The following CDH23 variants were observed in gnomAD, a reference collection of about 807,000 sequenced individuals.
CDH23 encodes cadherin related 23.
In CDH23, 189 loss-of-function variants were observed where a neutral mutation model predicts 317.1. The ratio of observed to expected loss-of-function variants is 0.60; its 90% confidence interval spans 0.53 to 0.67. CDH23 has a LOEUF of 0.67. Among genes scored for constraint, CDH23 ranks in the 30% least tolerant of loss-of-function variants. The pLI is 0.00. For synonymous variants in CDH23, 1,839 were observed against 1,876.8 expected (o/e 0.98, Z 0.52); for missense variants, 4,401 against 4,592.4 (o/e 0.96, Z 1.20).
intron 1 of CDH23, among the ~76,000 whole-genome samples, chr10:71,423,822 C>T (rs369558577): frequency 8.5e-5 from 13 of 152,308 alleles, no homozygotes; most frequent in Admixed American, 4.6e-4. Flanking sequence ...TGGTGGTGCT[C>T]GCTGGGCAGG....
chr10:71,529,300 C>T (rs1393619096), intron 6 of CDH23, among the ~76,000 whole-genome samples: 1 of 152,186 alleles, frequency 6.6e-6, no homozygotes. Flanking sequence ...CAACACAGGA[C>T]TCAGCTGGGA....
chr10:71,493,734 C>T (rs1194689922), intron 3 of CDH23, among the ~76,000 whole-genome samples: 1 of 152,136 alleles, frequency 6.6e-6, no homozygotes, highest in African/African-American at 2.4e-5. Context: ...TGCAATGTTC[C>T]CTAGATCTTT....
chr10:71,782,566 A>G (rs1840985365), intron 41 of CDH23, among the ~76,000 whole-genome samples: 1 of 152,252 alleles, frequency 6.6e-6, no homozygotes, highest in Admixed American at 6.5e-5. Flanking sequence ...GTCTGGCCCC[A>G]GAGCAAGCTG....
intron 8 of CDH23, among the ~76,000 whole-genome samples, chr10:71,573,103 T>A (rs533595212): frequency 6.6e-6 from 1 of 152,352 alleles, no homozygotes; most frequent in African/African-American, 2.4e-5. Flanking sequence ...CTTAGGGTTT[T>A]AACGGTTGGA....
chr10:71,745,232 G>C (rs1034080535), intron 38 of CDH23, among the ~76,000 whole-genome samples: 18 of 152,244 alleles, frequency 1.2e-4, no homozygotes, highest in African/African-American at 4.3e-4. Context: ...GGGGCACTGA[G>C]AAGGGCTTGG....
chr10:71,792,904 T>C (rs1841301683), intron 47 of CDH23, among the ~76,000 whole-genome samples: 1 of 144,216 alleles, frequency 6.9e-6, no homozygotes. Context: ...TTATGTGACT[T>C]GTATAATTGA....
At chr10:71,662,537 C>G (rs151087202) in intron 14 of CDH23, among the ~76,000 whole-genome samples, 96 of 152,256 alleles carry the variant, frequency 6.3e-4, no homozygotes, top group African/African-American at 2.3e-3. Flanking sequence ...ATTACCAGCC[C>G]AGGTTTCGCT....
At chr10:71,469,041 AAC>A (rs1181090143) in intron 3 of CDH23, among the ~76,000 whole-genome samples, 1 of 152,030 alleles carries the variant, frequency 6.6e-6, no homozygotes, top group African/African-American at 2.4e-5. Flanking sequence ...CTTGCGTCCT[AAC>A]ACACAACCCT....
chr10:71,664,911 C>G (rs1863823932), intron 14 of CDH23, among the ~76,000 whole-genome samples: 2 of 138,846 alleles, frequency 1.4e-5, no homozygotes, highest in African/African-American at 5.3e-5. Context: ...TCCTTTATCT[C>G]TCCCCCAGCC....
At chr10:71,558,548 T>C (rs937419158) in intron 6 of CDH23, among the ~76,000 whole-genome samples, 3 of 151,998 alleles carry the variant, frequency 2.0e-5, no homozygotes, top group Non-Finnish European at 2.9e-5. Context: ...ATGCTTATTG[T>C]TGTTATTCCT....
intron 38 of CDH23, among the ~76,000 whole-genome samples, chr10:71,761,213 C>T (rs993455074): frequency 2.6e-5 from 4 of 152,288 alleles, no homozygotes; most frequent in South Asian, 2.1e-4. Flanking sequence ...GACACACACA[C>T]GCATATATTC....
At chr10:71,675,837 G>A (rs765894294) in intron 15 of CDH23, among the ~76,000 whole-genome samples, 8 of 151,704 alleles carry the variant, frequency 5.3e-5, no homozygotes, top group Non-Finnish European at 7.4e-5. Context: ...AAATTGGTCC[G>A]GGCTTGATTT....
intron 11 of CDH23, among the ~76,000 whole-genome samples, chr10:71,636,225 G>C (rs1343808340): frequency 6.6e-6 from 1 of 152,086 alleles, no homozygotes; most frequent in African/African-American, 2.4e-5. Flanking sequence ...AAAGCAGTTG[G>C]AAGAGCACAG....
intron 38 of CDH23, among the ~76,000 whole-genome samples, chr10:71,742,506 G>C (rs9415035): frequency 0.14 from 21,436 of 152,278 alleles, 1,625 homozygotes; most frequent in East Asian, 0.17. Context: ...GTCCTCAAGG[G>C]CTGGATGGAG....
chr10:71,603,370 C>T (rs1236575961), intron 9 of CDH23, among the ~76,000 whole-genome samples: 3 of 152,194 alleles, frequency 2.0e-5, no homozygotes, highest in Non-Finnish European at 4.4e-5. Context: ...ATGGCTTTAT[C>T]GGGGCTGTAA....
intron 3 of CDH23, among the ~76,000 whole-genome samples, chr10:71,458,021 A>G (rs753101352): frequency 6.6e-6 from 1 of 152,216 alleles, no homozygotes; most frequent in Non-Finnish European, 1.5e-5. Context: ...CTTGCAGCCA[A>G]CCGAGAACAC....
chr10:71,778,957 G>A (rs546176795), intron 40 of CDH23, among the ~76,000 whole-genome samples: 7 of 152,202 alleles, frequency 4.6e-5, no homozygotes, highest in South Asian at 2.1e-4. Flanking sequence ...TAGAGGTGGG[G>A]TCTTGCTATA....
intron 6 of CDH23, among the ~76,000 whole-genome samples, chr10:71,526,515 CATG>C (rs1855049046): frequency 6.6e-6 from 1 of 152,248 alleles, no homozygotes; most frequent in Non-Finnish European, 1.5e-5. Context: ...ACAGGCCTGG[CATG>C]GGCTCAGATA....
intron 6 of CDH23, among the ~76,000 whole-genome samples, chr10:71,563,610 T>A (rs1857239410): frequency 6.6e-6 from 1 of 152,232 alleles, no homozygotes; most frequent in Middle Eastern, 3.2e-3. Context: ...ACCCTGCCTG[T>A]AATGATATTT....
Sources: allele counts gnomAD v4.1 joint callset (sites outside exome capture counted in the v4.1 genomes callset), GRCh38; gene constraint gnomAD v4.1.1; transcripts MANE v1.5; gene names NCBI Gene and HGNC (gene_info 2026-07-23, HGNC 2026-07-21).